The following GALNTL6 variants were observed in gnomAD, a reference collection of about 807,000 sequenced individuals.
GALNTL6 encodes polypeptide N-acetylgalactosaminyltransferase-like 6.
A neutral mutation model predicts 73.7 loss-of-function variants in GALNTL6; 46 were observed. That is an observed-to-expected ratio of 0.62 (90% CI 0.49 to 0.80). The LOEUF (loss-of-function observed/expected upper bound fraction) is 0.80, where lower values mean the gene tolerates loss of function less well. GALNTL6 is among the 30% of genes least tolerant of loss of function. The pLI is 0.00. For missense variants in GALNTL6, 604 were observed against 755.0 expected (o/e 0.80, Z 2.34); for synonymous variants, 259 against 263.7 (o/e 0.98, Z 0.17).
At chr4:172,319,439 A>G (rs1161238334) in intron 4 of GALNTL6, among the ~76,000 whole-genome samples, 1 of 152,210 alleles carries the variant, frequency 6.6e-6, no homozygotes, top group Non-Finnish European at 1.5e-5. Flanking sequence ...ATTTTAATAA[A>G]TTTATCTCAT....
intron 5 of GALNTL6, among the ~76,000 whole-genome samples, chr4:172,738,753 T>A (rs1034754485): frequency 3.3e-5 from 5 of 152,132 alleles, no homozygotes; most frequent in African/African-American, 1.2e-4. Context: ...ATTTTAGGCA[T>A]ACATGAGACA....
At chr4:172,638,647 C>T (rs187927074) in intron 5 of GALNTL6, among the ~76,000 whole-genome samples, 3 of 152,270 alleles carry the variant, frequency 2.0e-5, no homozygotes, top group East Asian at 3.9e-4. Flanking sequence ...TAACATCCTA[C>T]AAAGCCAGTA....
chr4:172,710,730 A>G (rs1734652005), intron 5 of GALNTL6, among the ~76,000 whole-genome samples: 1 of 152,182 alleles, frequency 6.6e-6, no homozygotes, highest in Admixed American at 6.6e-5. Flanking sequence ...CTTGATATGT[A>G]ATTTTTAATA....
rs139441269 is a variant in GALNTL6 at position 172,590,155 on chromosome 4, T to C, written c.554-219206T>C. ...TCTCCTCTGTTTTCCAAAATATCAG[T>C]TGCTTTATGGGGAAAATATTATAAT... On this transcript the variant is annotated intron_variant, in intron 5 of 12. Coordinates refer to ENST00000506823, the MANE Select transcript of GALNTL6 (RefSeq NM_001034845.3). Among the ~76,000 whole-genome samples the C allele has an allele frequency of 3.8e-3, 572 of 152,258 alleles. 11 individuals are homozygous for C. The highest frequency in any genetic ancestry group is 0.024 in the East Asian group (124 of 5,184).
intron 2 of GALNTL6, among the ~76,000 whole-genome samples, chr4:171,994,240 G>A (rs7682833): frequency 0.019 from 2,894 of 152,078 alleles, 98 homozygotes; most frequent in African/African-American, 0.064. Flanking sequence ...CTGTTGGAGC[G>A]GCCACTCAAA....
At chr4:171,864,489 T>A (rs1054923656) in intron 2 of GALNTL6, among the ~76,000 whole-genome samples, 4 of 152,202 alleles carry the variant, frequency 2.6e-5, no homozygotes, top group African/African-American at 9.7e-5. Flanking sequence ...AGAAGGTATG[T>A]CTATAGTGTA....
chr4:172,644,247 A>G (rs560683571), intron 5 of GALNTL6, among the ~76,000 whole-genome samples: 1 of 151,836 alleles, frequency 6.6e-6, no homozygotes, highest in South Asian at 2.1e-4. Context: ...GTATGTGTGT[A>G]TATGTATATG....
chr4:172,036,515 G>A (rs968630148), intron 2 of GALNTL6, among the ~76,000 whole-genome samples: 4 of 152,114 alleles, frequency 2.6e-5, no homozygotes, highest in African/African-American at 9.7e-5. Flanking sequence ...TAGATTGAGA[G>A]TAATATCTAA....
intron 7 of GALNTL6, among the ~76,000 whole-genome samples, chr4:172,864,468 T>G (rs944850417): frequency 1.2e-4 from 19 of 152,220 alleles, no homozygotes; most frequent in Non-Finnish European, 1.3e-4. Flanking sequence ...TAGAATAATC[T>G]GTGAAATTAA....
intron 5 of GALNTL6, among the ~76,000 whole-genome samples, chr4:172,769,101 T>C (rs7441232): frequency 0.48 from 72,332 of 151,306 alleles, 18,049 homozygotes; most frequent in African/African-American, 0.63. Flanking sequence ...ATAAGTATTT[T>C]CATGCAAATA....
At chr4:171,950,100 G>C (rs536205613) in intron 2 of GALNTL6, among the ~76,000 whole-genome samples, 1 of 152,194 alleles carries the variant, frequency 6.6e-6, no homozygotes, top group African/African-American at 2.4e-5. Context: ...GTTAGACTGA[G>C]AGCTGATTCC....
chr4:172,209,123 A>G (rs1041291320), intron 2 of GALNTL6, among the ~76,000 whole-genome samples: 3 of 152,084 alleles, frequency 2.0e-5, no homozygotes, highest in Admixed American at 2.0e-4. Flanking sequence ...TTTGCTCAAG[A>G]TGTTAAACTG....
At chr4:172,173,830 C>T (rs984590681) in intron 2 of GALNTL6, among the ~76,000 whole-genome samples, 2 of 152,074 alleles carry the variant, frequency 1.3e-5, no homozygotes, top group South Asian at 2.1e-4. Context: ...ACGTGAAAAG[C>T]AAAGCTTGAT....
Position 171,857,460 on chromosome 4 carries a change from C to T in GALNTL6, c.138+42742C>T, listed in dbSNP as rs1027007110. 4.5e-4 allele frequency among the ~76,000 whole-genome samples: 69 copies of T among 152,092 alleles called. 1 individual carries two copies. Among genetic ancestry groups the T allele is most frequent in the Admixed American group, 1.2e-3 (19 of 15,268 alleles). The stretch of plus-strand genomic sequence containing the variant: ...ACATAGAGAATCTTGGCTTGAAGTT[C>T]CAGGAAAGCCATAAGGAGTGGGCTG... On this transcript the variant is annotated intron_variant, in intron 2 of 12. Transcript: ENST00000506823.
At chr4:172,672,752 G>C (rs1732061944) in intron 5 of GALNTL6, among the ~76,000 whole-genome samples, 1 of 152,120 alleles carries the variant, frequency 6.6e-6, no homozygotes, top group Non-Finnish European at 1.5e-5. Flanking sequence ...TCAGCCTTGG[G>C]AGGGTGTATG....
intron 5 of GALNTL6, among the ~76,000 whole-genome samples, chr4:172,471,634 A>G (rs951776654): frequency 1.3e-5 from 2 of 152,200 alleles, no homozygotes; most frequent in African/African-American, 4.8e-5. Flanking sequence ...AATGTCTTGC[A>G]TGTCTAAACC....
At chr4:171,821,914 A>AT (rs1243961979) in intron 2 of GALNTL6, among the ~76,000 whole-genome samples, 4 of 151,936 alleles carry the variant, frequency 2.6e-5, no homozygotes, top group African/African-American at 9.7e-5. Context: ...GATTATTTTA[A>AT]TTTTTTTATT....
chr4:172,333,370 A>C (rs912402484), intron 4 of GALNTL6, among the ~76,000 whole-genome samples: 11 of 152,204 alleles, frequency 7.2e-5, no homozygotes, highest in African/African-American at 2.2e-4. Flanking sequence ...GTGCAATTGC[A>C]TTCCAGCCTA....
chr4:172,763,963 T>C (rs1259125570), intron 5 of GALNTL6, among the ~76,000 whole-genome samples: 1 of 151,226 alleles, frequency 6.6e-6, no homozygotes, highest in East Asian at 1.9e-4. Context: ...GGTGTATTTT[T>C]TTTTTTTTTT....
Sources: gnomAD v4.1 joint callset for allele counts (sites outside exome capture counted in the v4.1 genomes callset) on GRCh38, gnomAD v4.1.1 for gene constraint, MANE v1.5 for transcripts, NCBI Gene and HGNC (gene_info 2026-07-23, HGNC 2026-07-21) for gene names.